CENPM: variants seen among roughly 807,000 people sequenced by gnomAD.
CENPM encodes centromere protein M, also known as interphase centromere complex protein 39.
Under a neutral mutation model 19.6 loss-of-function variants are expected in CENPM, and 14 were observed. The observed-to-expected ratio is 0.71, with a 90% confidence interval of 0.47 to 1.11. CENPM has a LOEUF of 1.11. Ranked by LOEUF, CENPM falls within the 50% of genes most tolerant of loss-of-function variation. CENPM has a pLI of 0.00. For synonymous variants in CENPM, 114 were observed against 101.5 expected (o/e 1.12, Z -0.74); for missense variants, 239 against 228.4 (o/e 1.05, Z -0.30).
chr22:41,927,688 T>C, the CENPM span, among the ~76,000 whole-genome samples: 1 of 151,800 alleles, frequency 6.6e-6, no homozygotes, highest in Non-Finnish European at 1.5e-5. Context: ...TTAGTAGAGG[T>C]GGGGTTTCAC....
the CENPM span, among the ~76,000 whole-genome samples, chr22:41,933,272 A>G: frequency 6.7e-6 from 1 of 148,906 alleles, no homozygotes; most frequent in Non-Finnish European, 1.5e-5. Flanking sequence ...GCTAGAGTAA[A>G]GGGGCCCGCC....
Position 41,947,090 on chromosome 22 carries a change from C to A in CENPM, c.-14G>T. The A allele has an allele frequency of 6.2e-7, 1 of 1,612,254 alleles. No individual in the cohort carries two copies. The highest frequency in any genetic ancestry group is 2.2e-5 in the East Asian group (1 of 44,864). ...CAACACCGACATCACAGCCGCAGGA[C>A]CAACCGTTGCTCCTGCGGTGCGCGC... is the stretch of plus-strand genomic sequence containing the variant. On this transcript the variant is annotated 5_prime_UTR_variant, in exon 1 of 6. Coordinates refer to ENST00000215980, the MANE Select transcript of CENPM (RefSeq NM_024053.5).
At chr22:41,940,309 C>T in intron 5 of CENPM, 2 of 617,598 alleles carry the variant, frequency 3.2e-6, no homozygotes, top group East Asian at 3.1e-5. Context: ...CTGTTTACCA[C>T]CACCTGACAC....
chr22:41,945,492 C>G (rs192492303), intron 3 of CENPM, 188 bp from the exon 4 acceptor site: 86 of 1,267,478 alleles, frequency 6.8e-5, no homozygotes, highest in Non-Finnish European at 8.8e-5. Flanking sequence ...ACTTTGTTGC[C>G]CAGGCTGGAG....
At chr22:41,927,910 G>A in the CENPM span, among the ~76,000 whole-genome samples, 4 of 152,214 alleles carry the variant, frequency 2.6e-5, no homozygotes, top group South Asian at 2.1e-4. Context: ...ACCAGCTCAC[G>A]TCATCCTGGA....
intron 3 of CENPM, 106 bp from the exon 4 acceptor site, chr22:41,945,410 A>G: frequency 1.3e-6 from 2 of 1,535,050 alleles, no homozygotes; most frequent in Non-Finnish European, 1.8e-6. Context: ...GAGAATGACA[A>G]GAGGGTGACT....
chr22:41,928,840 T>TGGC, the CENPM span, among the ~76,000 whole-genome samples: 1 of 152,024 alleles, frequency 6.6e-6, no homozygotes, highest in Non-Finnish European at 1.5e-5. This position sits in a 1 kb window ranked among gnomAD's most constrained non-coding sequence, Gnocchi z 4.0. Context: ...GTGGCCCACG[T>TGGC]CCAGGGCAGG....
At chr22:41,930,504 ATTTCT>A in the CENPM span, among the ~76,000 whole-genome samples, 8 of 151,732 alleles carry the variant, frequency 5.3e-5, no homozygotes, top group African/African-American at 1.9e-4. Context: ...GCCTGGCCTA[ATTTCT>A]TTTCTTTTTT....
chr22:41,931,315 A>T, the CENPM span, among the ~76,000 whole-genome samples: 16 of 135,306 alleles, frequency 1.2e-4, no homozygotes, highest in East Asian at 4.1e-4. Flanking sequence ...TAAGAAATTT[A>T]AAAAAAAAAA....
chr22:41,933,312 A>G, the CENPM span, among the ~76,000 whole-genome samples: 22 of 149,716 alleles, frequency 1.5e-4, no homozygotes, highest in Admixed American at 3.3e-4. Context: ...CACACTACAC[A>G]CATCAGTGGG....
chr22:41,942,548 A>G (rs1202361773), intron 5 of CENPM, among the ~76,000 whole-genome samples: 2 of 152,120 alleles, frequency 1.3e-5, no homozygotes, highest in East Asian at 3.9e-4. Context: ...CAGGAGATTG[A>G]GACCATCCTG....
Position 41,947,088 on chromosome 22 carries a change from G to A in CENPM, c.-12C>T, listed in dbSNP as rs1569429405. On this transcript the variant is annotated 5_prime_UTR_variant, in exon 1 of 6. Coordinates refer to ENST00000215980, the MANE Select transcript of CENPM (RefSeq NM_024053.5). ...CTCAACACCGACATCACAGCCGCAG[G>A]ACCAACCGTTGCTCCTGCGGTGCGC... The A allele has an allele frequency of 4.3e-6, 7 of 1,612,690 alleles. No individual in the cohort carries two copies. The highest frequency in any genetic ancestry group is 1.1e-5 in the South Asian group (1 of 91,068).
chr22:41,931,416 G>T, the CENPM span, among the ~76,000 whole-genome samples: 1 of 151,754 alleles, frequency 6.6e-6, no homozygotes, highest in African/African-American at 2.4e-5. Flanking sequence ...GAAGCCAGAG[G>T]TTACAGTGAG....
At chr22:41,938,376 T>TC (rs2077694048), downstream of CENPM, among the ~76,000 whole-genome samples, 1 of 146,788 alleles carries the variant, frequency 6.8e-6, no homozygotes, top group African/African-American at 2.6e-5. Context: ...TTTTTTTTTT[T>TC]TTTTTTTGAG....
intron 4 of CENPM, chr22:41,944,924 C>T (rs1013136087): frequency 6.7e-5 from 82 of 1,225,558 alleles, no homozygotes; most frequent in African/African-American, 3.4e-4. Flanking sequence ...TGTGTTCTTT[C>T]GGTTTTTAAA....
intron 5 of CENPM, 73 bp from the exon 6 acceptor site, chr22:41,939,269 G>A: frequency 2.7e-6 from 4 of 1,502,288 alleles, no homozygotes; most frequent in Non-Finnish European, 3.6e-6. Context: ...AGCTGCAGGG[G>A]CTGCCAGAGC....
chr22:41,933,861 G>C (rs537214698), downstream of CENPM, among the ~76,000 whole-genome samples: 43 of 152,310 alleles, frequency 2.8e-4, no homozygotes, highest in African/African-American at 9.6e-4. Context: ...AACTGTAACA[G>C]GGCCTTGTCT....
At position 41,943,701 on chromosome 22, in the gene CENPM, G is replaced by T. The variant is rs773718951; in HGVS notation, c.311C>A (p.Ala104Asp). 8 of 1,613,064 alleles carry T rather than the reference G, an allele frequency of 5.0e-6. No homozygotes were observed. Among genetic ancestry groups the T allele is most frequent in the Non-Finnish European group, 6.8e-6 (8 of 1,179,660 alleles). The part of the protein sequence containing the change: ...LGKVCFLATG[A>D]GRESHCSIHR... Reference sequence around the variant, plus strand: ...AATGCTGCAGTGGCTCTCCCGCCCAGCTGGAAAGAAGCCATGAGTGCTATA... The same window carrying T: ...AATGCTGCAGTGGCTCTCCCGCCCATCTGGAAAGAAGCCATGAGTGCTATA... Residue 104 changes from alanine (A) to aspartate (D), a missense_variant and splice_region_variant, in exon 5 of 6, where the codon GCT becomes GAT. Ala to Asp is a moderately radical substitution (Grantham distance 126). Coordinates refer to ENST00000215980, the MANE Select transcript of CENPM (RefSeq NM_024053.5).
At position 41,943,701 on chromosome 22, in the gene CENPM, G is replaced by C. The variant is rs773718951; in HGVS notation, c.311C>G (p.Ala104Gly). 3 of 1,613,064 alleles carry C rather than the reference G, an allele frequency of 1.9e-6. No homozygotes were observed. The highest frequency in any genetic ancestry group is 4.5e-5 in the East Asian group (2 of 44,884). ...LGKVCFLATGAGRESHCSIHR... is the reference protein window; with the variant it reads ...LGKVCFLATGGGRESHCSIHR... ...AATGCTGCAGTGGCTCTCCCGCCCAGCTGGAAAGAAGCCATGAGTGCTATA... is the reference window on the plus strand; with the variant it reads ...AATGCTGCAGTGGCTCTCCCGCCCACCTGGAAAGAAGCCATGAGTGCTATA... The change falls in exon 5 of 6, where the codon GCT becomes GGT. Residue 104 changes from alanine to glycine, a missense_variant and splice_region_variant. Transcript: ENST00000215980.
Sources: gnomAD v4.1 joint callset for allele counts (sites outside exome capture counted in the v4.1 genomes callset) on GRCh38, gnomAD v4.1.1 for gene constraint, Gnocchi (gnomAD v3.1) non-coding constraint, MANE v1.5 for transcripts, NCBI Gene and HGNC (gene_info 2026-07-23, HGNC 2026-07-21) for gene names.